Variants in ADCY1 observed in about 807,000 individuals in gnomAD.
The protein encoded by ADCY1 is adenylate cyclase 1.
ADCY1 carries 28 observed loss-of-function variants against 105.4 expected under a neutral mutation model. The ratio of observed to expected loss-of-function variants is 0.27; its 90% confidence interval spans 0.20 to 0.36. ADCY1 has a LOEUF of 0.36. Among genes scored for constraint, ADCY1 ranks in the 10% least tolerant of loss-of-function variants. The probability of loss-of-function intolerance (pLI) is 1.00; values close to 1 mark genes in which losing one functional copy is unlikely to be tolerated. For synonymous variants in ADCY1, 655 were observed against 623.8 expected, an observed-to-expected ratio of 1.05 and a Z score of -0.75; for missense variants, 977 against 1,434.2, an observed-to-expected ratio of 0.68 and a Z score of 5.15.
In ADCY1 at chr7:45,607,666, A is replaced by G. The variant is rs376389518; in HGVS notation, c.790-2713A>G. Among the ~76,000 whole-genome samples the G allele has an allele frequency of 2.4e-3, 370 of 152,110 alleles. 1 individual carries two copies. Among genetic ancestry groups the G allele is most frequent in the African/African-American group, 8.5e-3 (353 of 41,490 alleles). On this transcript the variant is annotated intron_variant, in intron 2 of 19. Coordinates refer to ENST00000297323, the MANE Select transcript of ADCY1 (RefSeq NM_021116.4). ...CCATATTTATGTCTATATGTATCCA[A>G]TGTTTAGCTTCCACTCGTAAGTGAG...
At chr7:45,592,685 C>T in intron 1 of ADCY1, 74 bp from the exon 2 acceptor site, 3 of 1,592,712 alleles carry the variant, frequency 1.9e-6, no homozygotes, top group Non-Finnish European at 2.6e-6. Context: ...TTGCTATGCT[C>T]TCCGGGCGGC....
Position 45,706,826 on chromosome 7 carries a change from C to G in ADCY1, c.2818-1524C>G, listed in dbSNP as rs543527725. ...CACCTATCTGATAAAGGACTTGTAT[C>G]TATAGTACACAAAGAGCCATTACAA... On this transcript the variant is annotated intron_variant, in intron 17 of 19. Transcript: ENST00000297323. Among the ~76,000 whole-genome samples the G allele has an allele frequency of 2.6e-5, 4 of 152,082 alleles. No individual in the cohort carries two copies. In the East Asian group the frequency reaches 7.7e-4, roughly 29 times the overall value.
chr7:45,607,506 T>C lies in ADCY1; in HGVS notation c.790-2873T>C, dbSNP rs867229471. 3.8e-4 allele frequency among the ~76,000 whole-genome samples: 58 copies of C among 152,314 alleles called. 1 individual carries two copies. The highest frequency in any genetic ancestry group is 1.5e-3 in the South Asian group (7 of 4,818). ...GCAGGTTTGTTACGTTGATATACTGTGTGATACTCAGGTTTGAGGTACAAT... is the reference window on the plus strand; with the variant it reads ...GCAGGTTTGTTACGTTGATATACTGCGTGATACTCAGGTTTGAGGTACAAT... On this transcript the variant is annotated intron_variant, in intron 2 of 19. Coordinates refer to ENST00000297323, the MANE Select transcript of ADCY1 (RefSeq NM_021116.4).
chr7:45,630,898 T>G (rs761544974), intron 4 of ADCY1, among the ~76,000 whole-genome samples: 9 of 152,196 alleles, frequency 5.9e-5, no homozygotes, highest in Non-Finnish European at 8.8e-5. Context: ...TCTGGGGGTC[T>G]CGGGAGGCAT....
intron 2 of ADCY1, among the ~76,000 whole-genome samples, chr7:45,596,633 C>T (rs1388263405): frequency 6.6e-6 from 1 of 152,158 alleles, no homozygotes; most frequent in East Asian, 1.9e-4. Context: ...CGGGCACGTC[C>T]AGAGGGACCA....
chr7:45,662,335 A>G (rs1437058392), intron 8 of ADCY1, 121 bp downstream of exon 8: 3 of 1,108,496 alleles, frequency 2.7e-6, no homozygotes, highest in Non-Finnish European at 3.8e-6. Context: ...CATGTGGATA[A>G]TCTTGTAAAT....
chr7:45,669,012 C>G (rs191714668), intron 8 of ADCY1, among the ~76,000 whole-genome samples: 129 of 151,998 alleles, frequency 8.5e-4, no homozygotes, highest in African/African-American at 2.9e-3. Context: ...CTATTTGATT[C>G]TTCTCTCTTT....
intron 1 of ADCY1, among the ~76,000 whole-genome samples, chr7:45,588,644 C>T (rs966938856): frequency 3.9e-5 from 6 of 151,920 alleles, no homozygotes; most frequent in Non-Finnish European, 8.8e-5. Context: ...TAGAGATGCC[C>T]CAGGGCCTGC....
At chr7:45,702,427 G>A (rs1785015794) in intron 14 of ADCY1, among the ~76,000 whole-genome samples, 1 of 152,238 alleles carries the variant, frequency 6.6e-6, no homozygotes, top group African/African-American at 2.4e-5. Context: ...ATGGCTTGTG[G>A]TGGCCAGGCC....
intron 2 of ADCY1, among the ~76,000 whole-genome samples, chr7:45,603,866 A>G (rs1793308573): frequency 6.6e-6 from 1 of 152,144 alleles, no homozygotes; most frequent in Non-Finnish European, 1.5e-5. Flanking sequence ...GTTCATCCAT[A>G]TTGTTGAATA....
chr7:45,704,526 A>G lies in ADCY1; in HGVS notation c.2727A>G (p.Glu909=). Reference sequence around the variant, plus strand: ...TTATGTTTTAAACAAAGCTCATGGAAAAAGACTTTTACAAGGACATAGAGA... The same window carrying G: ...TTATGTTTTAAACAAAGCTCATGGAGAAAGACTTTTACAAGGACATAGAGA... The part of the protein sequence containing the change: ...EIIADFDELM[E]KDFYKDIEKI... Residue 909 remains glutamate (E), a synonymous_variant, in exon 17 of 20, where the codon GAA becomes GAG. Coordinates refer to ENST00000297323, the MANE Select transcript of ADCY1 (RefSeq NM_021116.4). 1.9e-6 allele frequency: 3 copies of G among 1,614,072 alleles called. No individual in the cohort carries two copies. The highest frequency in any genetic ancestry group is 2.5e-6 in the Non-Finnish European group (3 of 1,179,938).
intron 11 of ADCY1, among the ~76,000 whole-genome samples, chr7:45,681,985 T>A (rs1784566489): frequency 6.6e-6 from 1 of 152,184 alleles, no homozygotes; most frequent in Non-Finnish European, 1.5e-5. Flanking sequence ...CTATCTGGTT[T>A]CCCCATCCCC....
At chr7:45,615,709 A>G (rs1793720595) in intron 3 of ADCY1, among the ~76,000 whole-genome samples, 1 of 152,204 alleles carries the variant, frequency 6.6e-6, no homozygotes, top group African/African-American at 2.4e-5. Context: ...CAGTAATAAG[A>G]GGGAAGTTCA....
rs762112927 is a variant in ADCY1 at position 45,678,188 on chromosome 7, A to G, written c.1823A>G (p.Tyr608Cys). Reference protein sequence around the residue: ...EQKYHQLQDEYFTSAVVLTLI... With the variant: ...EQKYHQLQDECFTSAVVLTLI... ...CAGTACCACCAGCTTCAGGACGAGTATTTCACCAGCGCCGTTGTCCTCACC... is the reference window on the plus strand; with the variant it reads ...CAGTACCACCAGCTTCAGGACGAGTGTTTCACCAGCGCCGTTGTCCTCACC... The change falls in exon 10 of 20, where the codon TAT becomes TGT. Residue 608 changes from tyrosine to cysteine, a missense_variant. By Grantham distance (194) the Tyr-to-Cys change is radical. Transcript: ENST00000297323. The G allele has an allele frequency of 2.5e-6, 4 of 1,614,022 alleles. No individual in the cohort carries two copies. The highest frequency in any genetic ancestry group is 2.2e-5 in the East Asian group (1 of 44,886).
chr7:45,622,310 A>G (rs1448763997), intron 3 of ADCY1, among the ~76,000 whole-genome samples: 1 of 152,008 alleles, frequency 6.6e-6, no homozygotes, highest in East Asian at 1.9e-4. Flanking sequence ...TAACCTCCCC[A>G]AGAAGGGGAG....
intron 3 of ADCY1, among the ~76,000 whole-genome samples, chr7:45,611,030 C>CGGGGAGGTGATAGTGG (rs1793570237): frequency 9.3e-6 from 1 of 107,048 alleles, no homozygotes; most frequent in Non-Finnish European, 1.8e-5. Flanking sequence ...GAGGTGATGG[C>CGGGGAGGTGATAGTGG]AAAGTTGGAG....
chr7:45,684,895 A>G, intron 11 of ADCY1, 84 bp from the exon 12 acceptor site: 1 of 1,261,372 alleles, frequency 7.9e-7, no homozygotes, highest in Non-Finnish European at 1.2e-6. Context: ...TCATCTGCAC[A>G]TTCCACTATA....
intron 4 of ADCY1, among the ~76,000 whole-genome samples, chr7:45,637,854 AC>A (rs1794433945): frequency 6.6e-6 from 1 of 152,252 alleles, no homozygotes; most frequent in Non-Finnish European, 1.5e-5. Flanking sequence ...TATTTTCACC[AC>A]ATGGAGAATT....
intron 5 of ADCY1, 81 bp downstream of exon 5, chr7:45,648,878 C>T (rs1794740262): frequency 1.3e-6 from 2 of 1,543,586 alleles, no homozygotes; most frequent in South Asian, 2.4e-5. Context: ...CCTTCTGCCC[C>T]ATGTGGGCTC....
Sources: allele counts gnomAD v4.1 joint callset (sites outside exome capture counted in the v4.1 genomes callset), GRCh38; gene constraint gnomAD v4.1.1; transcripts MANE v1.5; gene names NCBI Gene and HGNC (gene_info 2026-07-23, HGNC 2026-07-21).